SLC24A4: variants seen among roughly 807,000 people sequenced by gnomAD.
The protein encoded by SLC24A4 is sodium/potassium/calcium exchanger 4.
Under a neutral mutation model 79.0 loss-of-function variants are expected in SLC24A4, and 53 were observed. The ratio of observed to expected loss-of-function variants is 0.67; its 90% CI spans 0.54 to 0.84. The LOEUF (loss-of-function observed/expected upper bound fraction) is 0.84, where lower values mean the gene tolerates loss of function less well. SLC24A4 is among the 40% of genes least tolerant of loss of function. SLC24A4 has a pLI of 0.00. For missense variants in SLC24A4, 731 were observed against 822.0 expected (o/e 0.89, Z 1.35); for synonymous variants, 323 against 323.8 (o/e 1.00, Z 0.03).
At chr14:92,326,518 GTTC>G (rs1367679739) in intron 2 of SLC24A4, among the ~76,000 whole-genome samples, 2 of 152,166 alleles carry the variant, frequency 1.3e-5, no homozygotes, top group East Asian at 3.9e-4. Context: ...CCGTTTTGAT[GTTC>G]TTCTTCAGAT....
chr14:92,367,548 C>G (rs1467442409), intron 2 of SLC24A4, among the ~76,000 whole-genome samples: 4 of 152,228 alleles, frequency 2.6e-5, no homozygotes, highest in Non-Finnish European at 5.9e-5. Context: ...CTGACATGCT[C>G]TGCCTGAGAA....
chr14:92,486,821 G>T, intron 14 of SLC24A4, 41 bp downstream of exon 14: 11 of 1,454,582 alleles, frequency 7.6e-6, no homozygotes, highest in Non-Finnish European at 9.6e-6. Context: ...TGCAGTGCAG[G>T]CCACTGTGTC....
At position 92,491,830 on chromosome 14, in the gene SLC24A4, T is replaced by G. The variant is rs1420442462; in HGVS notation, c.1650+53T>G. 21 of 1,416,404 alleles carry G rather than the reference T, an allele frequency of 1.5e-5. No individual in the cohort carries two copies. In the East Asian group the frequency reaches 4.6e-4, roughly 31 times the overall value. The allele number at this position is 1,416,404 out of a possible 1,614,324, so 87.7% of individuals were successfully genotyped here. A position where few individuals can be genotyped will look rare whatever the true frequency, so the allele number is the denominator to read the frequency against. ...TGTTTTACCCAGAAGGCTAGTGGTG[T>G]TGGCCCAGTTCCAGCCAGAGGCTCT... is the stretch of plus-strand genomic sequence containing the variant. On this transcript the variant is annotated intron_variant, in intron 15 of 16. Transcript: ENST00000532405.
At position 92,356,521 on chromosome 14, in the gene SLC24A4, G is replaced by A. The variant is rs1362353686; in HGVS notation, c.241+30543G>A. ...ACCCTGGATCTATCAGTCATTAGCT[G>A]TGTGACCTTGGGCAAGTCATTTGAC... On this transcript the variant is annotated intron_variant, in intron 2 of 16. Coordinates refer to ENST00000532405, the MANE Select transcript of SLC24A4 (RefSeq NM_153646.4). Among the ~76,000 whole-genome samples the A allele has an allele frequency of 2.0e-5, 3 of 152,202 alleles. No individual in the cohort carries two copies. The East Asian group carries it at 5.8e-4, about 29-fold the overall frequency.
chr14:92,474,827 A>ATGTGTGTGTG (rs1484148777), intron 12 of SLC24A4, among the ~76,000 whole-genome samples: 2,591 of 77,076 alleles, frequency 0.034, 302 homozygotes, highest in Middle Eastern at 0.047. Flanking sequence ...ATATACATAT[A>ATGTGTGTGTG]TATGTGTGTG....
intron 2 of SLC24A4, among the ~76,000 whole-genome samples, chr14:92,359,011 A>G (rs1188237269): frequency 1.3e-5 from 2 of 151,956 alleles, no homozygotes; most frequent in Non-Finnish European, 2.9e-5. Context: ...TATCTCCATT[A>G]TCAGGTCTCC....
At chr14:92,399,666 G>C (rs956916544) in intron 2 of SLC24A4, among the ~76,000 whole-genome samples, 1 of 152,164 alleles carries the variant, frequency 6.6e-6, no homozygotes, top group Non-Finnish European at 1.5e-5. Flanking sequence ...ACTTCAGCTG[G>C]TTTTGCGCTA....
At chr14:92,347,009 C>T (rs1886574019) in intron 2 of SLC24A4, among the ~76,000 whole-genome samples, 1 of 152,116 alleles carries the variant, frequency 6.6e-6, no homozygotes, top group East Asian at 1.9e-4. Context: ...CTTTATAGCC[C>T]CCACTTCTAG....
chr14:92,463,785 C>T (rs1893948086), intron 12 of SLC24A4, among the ~76,000 whole-genome samples: 1 of 152,130 alleles, frequency 6.6e-6, no homozygotes, highest in African/African-American at 2.4e-5. Flanking sequence ...CAAAAGGCAC[C>T]CCTCACCCAT....
chr14:92,484,402 C>T, intron 13 of SLC24A4: 2 of 985,350 alleles, frequency 2.0e-6, no homozygotes, highest in Non-Finnish European at 2.4e-6. Flanking sequence ...GGTGCTGCCC[C>T]CAGCCTGTTC....
At chr14:92,479,117 A>G (rs769851544) in intron 12 of SLC24A4, among the ~76,000 whole-genome samples, 1 of 152,186 alleles carries the variant, frequency 6.6e-6, no homozygotes, top group Non-Finnish European at 1.5e-5. Flanking sequence ...TCTATATACA[A>G]GATCATGTCA....
In SLC24A4 at chr14:92,353,381, G is replaced by T. The variant is rs1213577410; in HGVS notation, c.241+27403G>T. ...TATGCATTTAGTTTATTGTTGTAGC[G>T]CAAGAGGGCAAAAAGCATTGTTGCC... On this transcript the variant is annotated intron_variant, in intron 2 of 16. Transcript: ENST00000532405. The surrounding 1 kb of genome is among the most constrained non-coding windows in gnomAD (Gnocchi z 4.1). Among the ~76,000 whole-genome samples the T allele has an allele frequency of 2.0e-5, 3 of 152,176 alleles. No individual in the cohort carries two copies. The East Asian group carries it at 5.8e-4, about 29-fold the overall frequency.
intron 2 of SLC24A4, among the ~76,000 whole-genome samples, chr14:92,420,157 A>G (rs1891199093): frequency 6.6e-6 from 1 of 152,134 alleles, no homozygotes; most frequent in Non-Finnish European, 1.5e-5. Context: ...ACACTTTGAT[A>G]TTGAATTTCC....
chr14:92,329,290 A>G (rs1885331059), intron 2 of SLC24A4, among the ~76,000 whole-genome samples: 1 of 152,216 alleles, frequency 6.6e-6, no homozygotes, highest in Admixed American at 6.5e-5. Context: ...GTGTGTCTTT[A>G]TTGCCTGTGC....
At chr14:92,489,639 GCCCCAGA>G (rs907081511) in intron 14 of SLC24A4, among the ~76,000 whole-genome samples, 1 of 152,144 alleles carries the variant, frequency 6.6e-6, no homozygotes, top group African/African-American at 2.4e-5. Context: ...CCCAAGCTGT[GCCCCAGA>G]CCCACTGAAT....
chr14:92,350,476 C>T (rs535307238), intron 2 of SLC24A4, among the ~76,000 whole-genome samples: 15 of 152,262 alleles, frequency 9.9e-5, no homozygotes, highest in Admixed American at 1.3e-4. Context: ...AATTGTTGGC[C>T]GGACTGAGGA....
At chr14:92,440,437 T>G (rs1253864840) in intron 4 of SLC24A4, among the ~76,000 whole-genome samples, 1 of 152,038 alleles carries the variant, frequency 6.6e-6, no homozygotes, top group South Asian at 2.1e-4. Flanking sequence ...TTATTAAGTG[T>G]TGTTGCTTCT....
chr14:92,375,118 C>T (rs1381956290), intron 2 of SLC24A4, among the ~76,000 whole-genome samples: 1 of 152,184 alleles, frequency 6.6e-6, no homozygotes, highest in Admixed American at 6.5e-5. Context: ...AACTTTTTAC[C>T]CAGTTCTCTG....
At chr14:92,340,029 G>A (rs905668479) in intron 2 of SLC24A4, among the ~76,000 whole-genome samples, 1 of 152,178 alleles carries the variant, frequency 6.6e-6, no homozygotes, top group Non-Finnish European at 1.5e-5. Context: ...AACCCTGTTT[G>A]CAGATGCAGA....
Sources: allele counts gnomAD v4.1 joint callset (sites outside exome capture counted in the v4.1 genomes callset), GRCh38; gene constraint gnomAD v4.1.1; non-coding constraint Gnocchi (gnomAD v3.1); transcripts MANE v1.5; gene names NCBI Gene and HGNC (gene_info 2026-07-23, HGNC 2026-07-21).